Variants in RILPL1 observed in about 807,000 individuals in gnomAD.
RILPL1 encodes RILP-like protein 1.
In RILPL1, 33 loss-of-function variants were observed where a neutral mutation model predicts 50.3. The observed-to-expected ratio is 0.66, with a 90% confidence interval of 0.50 to 0.88. RILPL1 has a LOEUF of 0.88. Among genes scored for constraint, RILPL1 ranks in the 40% least tolerant of loss-of-function variants. The pLI is 0.00. For synonymous variants in RILPL1, 205 were observed against 228.6 expected, an observed-to-expected ratio of 0.90 and a Z score of 0.93; for missense variants, 418 against 542.5, an observed-to-expected ratio of 0.77 and a Z score of 2.28.
At chr12:123,477,546 C>T (rs1881682149) in intron 6 of RILPL1, among the ~76,000 whole-genome samples, 1 of 151,958 alleles carries the variant, frequency 6.6e-6, no homozygotes, top group South Asian at 2.1e-4. Context: ...CCTGTGTTGG[C>T]CAGGTTGGTC....
In RILPL1 at chr12:123,471,902, A is replaced by G. The variant is rs1214504586; in HGVS notation, c.*636T>C. 1.3e-5 allele frequency: 2 copies of G among 153,308 alleles called. No individual in the cohort carries two copies. The highest frequency in any genetic ancestry group is 3.8e-4 in the East Asian group (2 of 5,196). The allele number at this position is 153,308 out of a possible 1,614,324, so 9.5% of individuals were successfully genotyped here. On this transcript the variant is annotated 3_prime_UTR_variant, in exon 7 of 7. Transcript: ENST00000376874. ...AGGCACCTGCCTTGAACATTGCTAC[A>G]TGCTCTAGGCATTATCAGGAACGCA...
intron 2 of RILPL1, among the ~76,000 whole-genome samples, chr12:123,514,747 T>C (rs1884593747): frequency 6.6e-6 from 1 of 152,050 alleles, no homozygotes; most frequent in African/African-American, 2.4e-5. Flanking sequence ...ACTTAAATGA[T>C]ACACTACATG....
intron 4 of RILPL1, among the ~76,000 whole-genome samples, chr12:123,486,764 C>T (rs910496292): frequency 2.0e-5 from 3 of 150,734 alleles, no homozygotes; most frequent in Admixed American, 6.6e-5. Flanking sequence ...CTCAGCCTCC[C>T]GAGTAGCTGG....
intron 6 of RILPL1, among the ~76,000 whole-genome samples, chr12:123,481,058 A>T (rs980030591): frequency 1.3e-5 from 2 of 152,182 alleles, no homozygotes; most frequent in Non-Finnish European, 2.9e-5. Flanking sequence ...AGTTTCAGAC[A>T]GAAGAAAATG....
In RILPL1 at chr12:123,527,997, T is replaced by C. The variant is rs375651654; in HGVS notation, c.310-4352A>G. On this transcript the variant is annotated intron_variant, in intron 1 of 6. Coordinates refer to ENST00000376874, the MANE Select transcript of RILPL1 (RefSeq NM_178314.5). Reference sequence around the variant, plus strand: ...GGAAATTTCTCCAGTATTATTTATATTGATAATTACACATATGCCTCCATA... The same window carrying C: ...GGAAATTTCTCCAGTATTATTTATACTGATAATTACACATATGCCTCCATA... Among the ~76,000 whole-genome samples the C allele has an allele frequency of 2.6e-5, 4 of 152,342 alleles. No homozygotes were observed. In the East Asian group the frequency reaches 5.8e-4, roughly 22 times the overall value.
rs1483489596 is a variant in RILPL1 at position 123,513,100 on chromosome 12, CTG to C, written c.460+10393_460+10394del. 1.0e-4 allele frequency among the ~76,000 whole-genome samples: 11 copies of C among 108,198 alleles called. 1 individual carries two copies. Among genetic ancestry groups the C allele is most frequent in the Non-Finnish European group, 2.1e-4 (11 of 52,970 alleles). The allele number at this position is 108,198 out of a possible 152,430, so 71.0% of individuals were successfully genotyped here. ...GTGTGCAGTGTGAGTGCGTGTATGT[CTG>C]TGTGGTGGCGTCTGTGTGTGTGTGG... On this transcript the variant is annotated intron_variant, in intron 2 of 6. Transcript: ENST00000376874.
intron 2 of RILPL1, 40 bp from the exon 3 acceptor site, chr12:123,499,576 C>G (rs567120826): frequency 5.4e-5 from 79 of 1,454,304 alleles, no homozygotes; most frequent in Non-Finnish European, 7.5e-5. Flanking sequence ...GCCCGCCTTA[C>G]TCCTATGTTG....
intron 6 of RILPL1, chr12:123,473,019 T>G (rs1410114636): frequency 8.2e-6 from 2 of 243,124 alleles, no homozygotes; most frequent in Non-Finnish European, 1.6e-5. Context: ...TTGGGTTTCT[T>G]TAATTACCCT....
At chr12:123,475,873 C>A in intron 6 of RILPL1, 1 of 597,110 alleles carries the variant, frequency 1.7e-6, no homozygotes, top group Non-Finnish European at 3.0e-6. Context: ...TGAATTGTGT[C>A]ACCTGCCTCT....
intron 2 of RILPL1, among the ~76,000 whole-genome samples, chr12:123,520,239 C>T (rs1014385204): frequency 2.0e-4 from 30 of 152,284 alleles, no homozygotes; most frequent in Admixed American, 5.2e-4. Context: ...GGCCATAGAA[C>T]GGAATATGAT....
chr12:123,506,126 T>C (rs757006817), intron 2 of RILPL1, among the ~76,000 whole-genome samples: 21 of 152,058 alleles, frequency 1.4e-4, no homozygotes, highest in Non-Finnish European at 2.2e-4. Flanking sequence ...ATGCAGACCA[T>C]GGGTGCAGGG....
At chr12:123,486,125 C>A (rs1007932053) in intron 4 of RILPL1, among the ~76,000 whole-genome samples, 1 of 152,214 alleles carries the variant, frequency 6.6e-6, no homozygotes, top group African/African-American at 2.4e-5. Flanking sequence ...CCTGCCCCCA[C>A]CCTCGTACAT....
chr12:123,483,868 T>A (rs535096383), intron 6 of RILPL1, among the ~76,000 whole-genome samples: 12 of 152,152 alleles, frequency 7.9e-5, no homozygotes, highest in Admixed American at 7.2e-4. Context: ...TTATTTCCTG[T>A]CCTCAAAGGC....
At chr12:123,508,522 G>A (rs1883897637) in intron 2 of RILPL1, among the ~76,000 whole-genome samples, 1 of 152,176 alleles carries the variant, frequency 6.6e-6, no homozygotes, top group South Asian at 2.1e-4. Context: ...TTCAAAACAA[G>A]GCTGAATTAA....
chr12:123,518,835 G>C (rs1035289860), intron 2 of RILPL1, among the ~76,000 whole-genome samples: 1 of 151,958 alleles, frequency 6.6e-6, no homozygotes, highest in African/African-American at 2.4e-5. Context: ...GAGGCAGGCG[G>C]ATCATGAGGT....
intron 2 of RILPL1, among the ~76,000 whole-genome samples, chr12:123,504,768 C>T (rs1178430166): frequency 6.6e-6 from 1 of 152,196 alleles, no homozygotes; most frequent in East Asian, 1.9e-4. Flanking sequence ...AAAACTGAGG[C>T]CCAGAGATAT....
intron 2 of RILPL1, among the ~76,000 whole-genome samples, chr12:123,510,872 TGCA>T (rs1423973923): frequency 6.8e-6 from 1 of 147,158 alleles, no homozygotes; most frequent in Non-Finnish European, 1.5e-5. Context: ...GAGGTCTGTG[TGCA>T]GTGTGTGTGT....
intron 1 of RILPL1, among the ~76,000 whole-genome samples, chr12:123,527,195 G>A (rs1435249751): frequency 6.6e-6 from 1 of 152,028 alleles, no homozygotes; most frequent in African/African-American, 2.4e-5. Context: ...GCTGGGCGTG[G>A]TAGTGCATGC....
Position 123,498,501 on chromosome 12 carries a change from A to T in RILPL1, c.801+43T>A. 6.3e-7 allele frequency: 1 copy of T among 1,579,170 alleles called. No individual in the cohort carries two copies. The highest frequency in any genetic ancestry group is 8.7e-7 in the Non-Finnish European group (1 of 1,151,988). ...CTGCCTGCCTTAAGCCAACCCCCAG[A>T]CTGACCCTCTGCTACCACCTCTGCA... is the stretch of plus-strand genomic sequence containing the variant. On this transcript the variant is annotated intron_variant, in intron 4 of 6. Transcript: ENST00000376874. The surrounding 1 kb of genome is among the most constrained non-coding windows in gnomAD (Gnocchi z 4.3).
Sources: gnomAD v4.1 joint callset for allele counts (sites outside exome capture counted in the v4.1 genomes callset) on GRCh38, gnomAD v4.1.1 for gene constraint, Gnocchi (gnomAD v3.1) non-coding constraint, MANE v1.5 for transcripts, NCBI Gene and HGNC (gene_info 2026-07-23, HGNC 2026-07-21) for gene names.